The following MCF2L variants were observed in gnomAD, a reference collection of about 807,000 sequenced individuals.
MCF2L encodes guanine nucleotide exchange factor DBS.
In MCF2L, 97 loss-of-function variants were observed where a neutral mutation model predicts 153.4. The observed-to-expected ratio is 0.63, with a 90% CI of 0.54 to 0.75. The LOEUF (loss-of-function observed/expected upper bound fraction) is 0.75, where lower values mean the gene tolerates loss of function less well. MCF2L is among the 30% of genes least tolerant of loss of function. The pLI is 0.00. For synonymous variants in MCF2L, 659 were observed against 632.2 expected, an observed-to-expected ratio of 1.04 and a Z score of -0.64; for missense variants, 1,347 against 1,495.2, an observed-to-expected ratio of 0.90 and a Z score of 1.64.
intron 2 of MCF2L, among the ~76,000 whole-genome samples, chr13:113,018,745 C>T (rs149049528): frequency 1.4e-3 from 207 of 152,378 alleles, no homozygotes; most frequent in African/African-American, 4.5e-3. Context: ...AGAGAACAGA[C>T]TTGCCACCGG....
rs1334925593 is a variant in MCF2L at position 113,091,262 on chromosome 13, C to T, written c.2953+1534C>T. ...CAGGAAGCGCGGCCCAGCTGGCTGTCAGGTGGCCGTCAAGGCCACCTAAGG... is the reference window on the plus strand; with the variant it reads ...CAGGAAGCGCGGCCCAGCTGGCTGTTAGGTGGCCGTCAAGGCCACCTAAGG... On this transcript the variant is annotated intron_variant, in intron 26 of 29. Coordinates refer to ENST00000535094, the MANE Select transcript of MCF2L (RefSeq NM_001112732.3). 3.5e-5 allele frequency: 45 copies of T among 1,280,962 alleles called. No individual in the cohort carries two copies. The South Asian group carries it at 3.9e-4, about 11-fold the overall frequency. 79.3% of individuals were successfully genotyped at this position (1,280,962 alleles called of 1,614,324 possible).
intron 1 of MCF2L, among the ~76,000 whole-genome samples, chr13:112,974,757 A>G (rs1043012746): frequency 2.0e-5 from 3 of 152,186 alleles, no homozygotes; most frequent in African/African-American, 7.2e-5. Flanking sequence ...GAAGTTCTCC[A>G]GGCTTCAGCT....
At position 112,977,182 on chromosome 13, in the gene MCF2L, G is replaced by A. The variant is rs185518823; in HGVS notation, c.79+7724G>A. On this transcript the variant is annotated intron_variant, in intron 1 of 29. Transcript: ENST00000535094. ...GTAAGACTCTTTTACTGCCAAAAAT[G>A]ATACCACTTACTGATATGGATTTCT... 1.7e-4 allele frequency among the ~76,000 whole-genome samples: 26 copies of A among 152,298 alleles called. No homozygotes were observed. In the East Asian group the frequency reaches 4.8e-3, roughly 28 times the overall value.
intron 11 of MCF2L, among the ~76,000 whole-genome samples, chr13:113,075,523 TG>T (rs1234665106): frequency 6.6e-6 from 1 of 152,086 alleles, no homozygotes; most frequent in Non-Finnish European, 1.5e-5. Context: ...GTGATAGAGA[TG>T]GGGTCTCACT....
rs375093612 is a variant in MCF2L, at chr13:113,024,625, G to A, written c.164-19G>A. On this transcript the variant is annotated intron_variant, in intron 2 of 29. Transcript: ENST00000535094. ...GCATGGAGCCCTCGGCTAAGGGTCT[G>A]CCTCTGGTCTCTCCCCAGGTGGGCG... 17 of 1,573,946 alleles carry A rather than the reference G, an allele frequency of 1.1e-5. No homozygotes were observed. In the South Asian group the frequency reaches 1.1e-4, roughly 10 times the overall value.
chr13:112,916,637 G>A (rs536728079), intron 2 of MCF2L, among the ~76,000 whole-genome samples: 3 of 152,262 alleles, frequency 2.0e-5, no homozygotes, highest in East Asian at 3.9e-4. Context: ...CATGTGTGCC[G>A]AGCATAGCTC....
intron 3 of MCF2L, chr13:113,043,080 C>G (rs1028932453): frequency 6.6e-6 from 1 of 152,272 alleles, no homozygotes; most frequent in African/African-American, 2.4e-5. Context: ...CTACGATTGT[C>G]CTCATTTTTA....
At chr13:112,972,803 TGGAG>T (rs2082092760) in intron 1 of MCF2L, among the ~76,000 whole-genome samples, 1 of 418 alleles carries the variant, frequency 2.4e-3, no homozygotes, top group Non-Finnish European at 4.8e-3. Flanking sequence ...ATGCATGGAG[TGGAG>T]GAGTGGATGG....
At chr13:112,911,536 C>T (rs1305470223) in intron 2 of MCF2L, among the ~76,000 whole-genome samples, 1 of 152,254 alleles carries the variant, frequency 6.6e-6, no homozygotes, top group East Asian at 1.9e-4. Flanking sequence ...CACCATGCTC[C>T]TCTGAAACCC....
intron 2 of MCF2L, chr13:112,957,751 T>C (rs539196080): frequency 6.6e-6 from 1 of 152,380 alleles, no homozygotes; most frequent in African/African-American, 2.4e-5. Flanking sequence ...ATGACCCTTG[T>C]AGTCTCTTCT....
At chr13:113,043,074 G>A (rs975794646) in intron 3 of MCF2L, 1 of 152,250 alleles carries the variant, frequency 6.6e-6, no homozygotes, top group Non-Finnish European at 1.5e-5. Context: ...TGGATTCTAC[G>A]ATTGTCCTCA....
At chr13:113,065,151 T>C in intron 7 of MCF2L, 66 bp downstream of exon 7, 2 of 1,550,362 alleles carry the variant, frequency 1.3e-6, no homozygotes, top group Non-Finnish European at 8.8e-7. Flanking sequence ...TGCGCGGGGC[T>C]CCGGTCGGAA....
intron 1 of MCF2L, among the ~76,000 whole-genome samples, chr13:112,900,847 C>T (rs2081113080): frequency 6.6e-6 from 1 of 152,034 alleles, no homozygotes; most frequent in Non-Finnish European, 1.5e-5. Flanking sequence ...GCAAAGCTCC[C>T]TGGGGACTGA....
At chr13:112,903,918 G>C (rs188890846) in intron 2 of MCF2L, among the ~76,000 whole-genome samples, 2 of 152,298 alleles carry the variant, frequency 1.3e-5, no homozygotes, top group Non-Finnish European at 2.9e-5. Context: ...TGTGCAGGGG[G>C]CTTCAGAAGA....
rs2086838264 is a variant in MCF2L at position 113,046,704 on chromosome 13, C to G, written c.369+1343C>G. 3.8e-6 allele frequency: 2 copies of G among 524,578 alleles called. No individual in the cohort carries two copies. Among genetic ancestry groups the G allele is most frequent in the African/African-American group, 1.9e-5 (1 of 51,538 alleles). The allele number at this position is 524,578 out of a possible 1,614,324, so 32.5% of individuals were successfully genotyped here. A position where few individuals can be genotyped will look rare whatever the true frequency, so the allele number is the denominator to read the frequency against. ...TCGAAGTCTTTAGGATGAGGCATCTCCTTGCACCCCCACGGCACCTCTCTG... is the reference window on the plus strand; with the variant it reads ...TCGAAGTCTTTAGGATGAGGCATCTGCTTGCACCCCCACGGCACCTCTCTG... On this transcript the variant is annotated intron_variant, in intron 4 of 29. Coordinates refer to ENST00000535094, the MANE Select transcript of MCF2L (RefSeq NM_001112732.3). The surrounding 1 kb of genome is among the most constrained non-coding windows in gnomAD (Gnocchi z 4.4).
At chr13:112,953,057 T>C (rs1170079050) in intron 2 of MCF2L, among the ~76,000 whole-genome samples, 2 of 152,208 alleles carry the variant, frequency 1.3e-5, no homozygotes, top group African/African-American at 4.8e-5. Flanking sequence ...CTCTGTCCTG[T>C]GGCCTGGACT....
intron 4 of MCF2L, among the ~76,000 whole-genome samples, chr13:113,051,107 G>A (rs112755918): frequency 2.0e-5 from 3 of 152,196 alleles, no homozygotes; most frequent in Non-Finnish European, 4.4e-5. Flanking sequence ...CTGCCCAGGT[G>A]AGCACAGTCC....
At chr13:112,979,220 C>T (rs2082315802) in intron 1 of MCF2L, 3 of 624,786 alleles carry the variant, frequency 4.8e-6, no homozygotes, top group Admixed American at 5.7e-5. Flanking sequence ...CTTGAGACTT[C>T]CTGAGGCCTG....
rs188535649 is a variant in MCF2L, at chr13:112,924,793, A to C, written c.169+22422A>C. 5.4e-3 allele frequency among the ~76,000 whole-genome samples: 819 copies of C among 152,300 alleles called. 5 individuals are homozygous for C. Among genetic ancestry groups the C allele is most frequent in the African/African-American group, 0.018 (759 of 41,566 alleles). On this transcript the variant is annotated intron_variant, in intron 2 of 29. Coordinates refer to the MCF2L transcript ENST00000375608. ...ATGAACACCTGAGAAAACCCTGGAGAGTATCAGAGGGGAATGGGCTGCCCA... is the reference window on the plus strand; with the variant it reads ...ATGAACACCTGAGAAAACCCTGGAGCGTATCAGAGGGGAATGGGCTGCCCA...
Sources: allele counts gnomAD v4.1 joint callset (sites outside exome capture counted in the v4.1 genomes callset), GRCh38; gene constraint gnomAD v4.1.1; non-coding constraint Gnocchi (gnomAD v3.1); transcripts MANE v1.5; gene names NCBI Gene and HGNC (gene_info 2026-07-23, HGNC 2026-07-21).